SCAMP1: variants seen among roughly 807,000 people sequenced by gnomAD.
The protein encoded by SCAMP1 is secretory carrier membrane protein 1, also known as secretory carrier-associated membrane protein 1.
In SCAMP1, 15 loss-of-function variants were observed where a neutral mutation model predicts 41.8. The ratio of observed to expected loss-of-function variants is 0.36; its 90% CI spans 0.24 to 0.55. SCAMP1 has a LOEUF of 0.55. SCAMP1 is among the 20% of genes least tolerant of loss of function. SCAMP1 has a pLI of 0.86. For synonymous variants in SCAMP1, 135 were observed against 136.8 expected (o/e 0.99, Z 0.09); for missense variants, 341 against 412.6 (o/e 0.83, Z 1.50).
At chr5:78,371,090 G>T (rs1337373656) in intron 1 of SCAMP1, among the ~76,000 whole-genome samples, 1 of 152,024 alleles carries the variant, frequency 6.6e-6, no homozygotes, top group East Asian at 1.9e-4. Flanking sequence ...TATGTGATTT[G>T]TGACTTTTTT....
chr5:78,458,301 T>C (rs2112228512), intron 7 of SCAMP1, among the ~76,000 whole-genome samples: 1 of 152,300 alleles, frequency 6.6e-6, no homozygotes, highest in East Asian at 1.9e-4. Context: ...AGCAATTTAG[T>C]CTCCACTTCC....
In SCAMP1 at chr5:78,388,889, AT is replaced by A; in HGVS notation, c.111del (p.Tyr37Ter). ...TRNVPPGLDEYNPFSDSRTPP... is the reference protein window; with the variant it reads ...TRNVPPGLDEXNPFSDSRTPP... ...AATGTTCCACCAGGACTTGATGAAT[AT>A]AATCCATTCTCGGATTCTAGAACAG... On this transcript the variant is annotated frameshift_variant, in exon 2 of 9. Transcript: ENST00000621999. LOFTEE classifies it high-confidence loss of function. 1 of 1,551,764 alleles carries A rather than the reference AT, an allele frequency of 6.4e-7. No individual in the cohort carries two copies. Among genetic ancestry groups the A allele is most frequent in the Non-Finnish European group, 8.9e-7 (1 of 1,128,784 alleles).
chr5:78,463,326 C>T (rs1440586675), intron 8 of SCAMP1, among the ~76,000 whole-genome samples: 1 of 152,178 alleles, frequency 6.6e-6, no homozygotes, highest in African/African-American at 2.4e-5. Context: ...TTTCTTCATC[C>T]AGTTCATAAA....
chr5:78,410,437 G>C (rs1244745884), intron 2 of SCAMP1, among the ~76,000 whole-genome samples: 2 of 152,064 alleles, frequency 1.3e-5, no homozygotes, highest in Non-Finnish European at 2.9e-5. Flanking sequence ...GAGGAGGCTG[G>C]CTTCCAGCTT....
intron 6 of SCAMP1, among the ~76,000 whole-genome samples, chr5:78,422,577 A>G (rs553558222): frequency 2.6e-5 from 4 of 152,082 alleles, no homozygotes; most frequent in Admixed American, 1.3e-4. Flanking sequence ...GGAGAAAAAA[A>G]GAGCTCATAA....
chr5:78,459,469 G>C (rs774715301), intron 8 of SCAMP1, 107 bp downstream of exon 8: 1 of 624,068 alleles, frequency 1.6e-6, no homozygotes, highest in Non-Finnish European at 2.8e-6. Context: ...TATCGTTATT[G>C]TATGAGTTTG....
intron 8 of SCAMP1, among the ~76,000 whole-genome samples, chr5:78,469,935 A>AAAAAAG (rs1753843992): frequency 1.2e-4 from 2 of 16,572 alleles, no homozygotes; most frequent in Non-Finnish European, 2.5e-4. Context: ...AAAAAAAACA[A>AAAAAAG]CAACACAGCC....
rs890745389 is a variant in SCAMP1 at position 78,475,788 on chromosome 5, C to T, written c.*120C>T. On this transcript the variant is annotated 3_prime_UTR_variant, in exon 9 of 9. Transcript: ENST00000621999. The stretch of plus-strand genomic sequence containing the variant: ...AGACAGCATGGATATTTCCTGTTCA[C>T]TTGTGCATGGGCTAAAACCAGGAAA... 1 of 729,452 alleles carries T rather than the reference C, an allele frequency of 1.4e-6. No individual in the cohort carries two copies. Among genetic ancestry groups the T allele is most frequent in the African/African-American group, 1.8e-5 (1 of 54,830 alleles). The allele number at this position is 729,452 out of a possible 1,614,324, so 45.2% of individuals were successfully genotyped here.
At chr5:78,435,408 A>G (rs1752724696) in intron 6 of SCAMP1, among the ~76,000 whole-genome samples, 1 of 151,988 alleles carries the variant, frequency 6.6e-6, no homozygotes, top group African/African-American at 2.4e-5. Flanking sequence ...TCATTGTGTG[A>G]TGTTCCCCGC....
chr5:78,457,594 C>T (rs1753452473), intron 7 of SCAMP1, among the ~76,000 whole-genome samples: 1 of 152,208 alleles, frequency 6.6e-6, no homozygotes, highest in Non-Finnish European at 1.5e-5. Flanking sequence ...TCAAAGCTGT[C>T]AGACAGGGAC....
intron 8 of SCAMP1, among the ~76,000 whole-genome samples, chr5:78,471,568 G>A (rs1199162421): frequency 6.6e-6 from 1 of 152,078 alleles, no homozygotes; most frequent in South Asian, 2.1e-4. Context: ...TCTTGAAATG[G>A]TATTCTATAT....
In SCAMP1 at chr5:78,479,824, C is replaced by G. The variant is rs1177392315; in HGVS notation, c.*4156C>G. Among the ~76,000 whole-genome samples, 1 of 151,964 alleles carries G rather than the reference C, an allele frequency of 6.6e-6. No homozygotes were observed. The highest frequency in any genetic ancestry group is 1.5e-5 in the Non-Finnish European group (1 of 67,998). ...TTGGGAGGCCAAGGTGGGCGGATCA[C>G]GAGGTCAGGAGATCGAAACCATCCT... On this transcript the variant is annotated 3_prime_UTR_variant, in exon 9 of 9. Coordinates refer to ENST00000621999, the MANE Select transcript of SCAMP1 (RefSeq NM_004866.6).
chr5:78,421,906 T>C lies in SCAMP1; in HGVS notation c.578T>C (p.Leu193Pro), dbSNP rs1752347838. Reference sequence around the variant, plus strand: ...GGATTGAGTATCCTGTGGTTCTTGCTTTTTACTCCTTGTTCATTTGTCTGT... The same window carrying C: ...GGATTGAGTATCCTGTGGTTCTTGCCTTTTACTCCTTGTTCATTTGTCTGT... ...DFGLSILWFL[L>P]FTPCSFVCWY... is the part of the protein sequence containing the mutation. Residue 193 changes from leucine to proline, a missense_variant, in exon 6 of 9, where the codon CTT becomes CCT. Physicochemically the swap from Leu to Pro is moderately conservative, Grantham distance 98. Transcript: ENST00000621999. 1 of 1,613,686 alleles carries C rather than the reference T, an allele frequency of 6.2e-7. No homozygotes were observed. Among genetic ancestry groups the C allele is most frequent in the Non-Finnish European group, 8.5e-7 (1 of 1,179,770 alleles).
chr5:78,459,897 A>G (rs2112231996), intron 8 of SCAMP1, among the ~76,000 whole-genome samples: 1 of 152,038 alleles, frequency 6.6e-6, no homozygotes, highest in South Asian at 2.1e-4. Flanking sequence ...ATAGTTTTTC[A>G]AGCTTTGCTC....
intron 2 of SCAMP1, among the ~76,000 whole-genome samples, chr5:78,412,286 T>C (rs1021693050): frequency 1.3e-5 from 2 of 152,116 alleles, no homozygotes; most frequent in African/African-American, 4.8e-5. Context: ...CTTTTCTGAA[T>C]GTTTAGAATG....
chr5:78,376,999 T>C (rs1305070167), intron 1 of SCAMP1, among the ~76,000 whole-genome samples: 2 of 152,016 alleles, frequency 1.3e-5, no homozygotes, highest in South Asian at 2.1e-4. Context: ...AAGAAGATTT[T>C]CCCCCCTACC....
chr5:78,416,449 C>G (rs553384978), intron 3 of SCAMP1, 92 bp from the exon 4 acceptor site: 2 of 869,298 alleles, frequency 2.3e-6, no homozygotes, highest in East Asian at 5.7e-5. Context: ...AATTAGGTTT[C>G]TCTCATAGTA....
chr5:78,429,026 A>G (rs373887783), intron 6 of SCAMP1, among the ~76,000 whole-genome samples: 11 of 152,098 alleles, frequency 7.2e-5, no homozygotes, highest in Non-Finnish European at 1.6e-4. Context: ...GCTGGTGCAC[A>G]TGCATGCTCA....
At chr5:78,399,202 A>G (rs1044887286) in intron 2 of SCAMP1, among the ~76,000 whole-genome samples, 1 of 152,160 alleles carries the variant, frequency 6.6e-6, no homozygotes, top group Non-Finnish European at 1.5e-5. Context: ...ACCACAGTTT[A>G]TTTAGCCATC....
Sources: gnomAD v4.1 joint callset for allele counts (sites outside exome capture counted in the v4.1 genomes callset) on GRCh38, gnomAD v4.1.1 for gene constraint, MANE v1.5 for transcripts, NCBI Gene and HGNC (gene_info 2026-07-23, HGNC 2026-07-21) for gene names.